Variants in ABCA13 observed in about 807,000 individuals in gnomAD.
The protein encoded by ABCA13 is ATP-binding cassette sub-family A member 13.
Under a neutral mutation model 478.7 loss-of-function variants are expected in ABCA13, and 476 were observed. That is an observed-to-expected ratio of 0.99 (90% CI 0.92 to 1.07). ABCA13 has a LOEUF of 1.07. Among genes scored for constraint, ABCA13 ranks in the 50% least tolerant of loss-of-function variants. ABCA13 has a pLI of 0.00. For missense variants in ABCA13, 6,060 were observed against 5,910.6 expected, an observed-to-expected ratio of 1.03 and a Z score of -0.83; for synonymous variants, 2,252 against 2,158.9, an observed-to-expected ratio of 1.04 and a Z score of -1.20.
intron 46 of ABCA13, among the ~76,000 whole-genome samples, chr7:48,482,017 A>C (rs1323631038): frequency 6.6e-6 from 1 of 152,248 alleles, no homozygotes; most frequent in East Asian, 1.9e-4. Context: ...TGGAAGACAA[A>C]ATTTATTTAG....
At position 48,276,541 on chromosome 7, in the gene ABCA13, A is replaced by C. The variant is rs1225287116; in HGVS notation, c.6875A>C (p.His2292Pro). 1 of 1,611,810 alleles carries C rather than the reference A, an allele frequency of 6.2e-7. No homozygotes were observed. ...NKISLLLKYF[H>P]KDVIAEMSFV... The stretch of plus-strand genomic sequence containing the variant: ...ATATCTCTTCTGCTGAAATATTTCC[A>C]CAAAGATGTTATTGCAGAGATGAGG... Residue 2292 changes from histidine to proline, a missense_variant, in exon 17 of 62, where the codon CAC (histidine) becomes CCC (proline). By Grantham distance (77) the His-to-Pro change is moderately conservative. Transcript: ENST00000435803.
At chr7:48,228,204 C>T (rs1486997232) in intron 6 of ABCA13, among the ~76,000 whole-genome samples, 1 of 152,192 alleles carries the variant, frequency 6.6e-6, no homozygotes, top group African/African-American at 2.4e-5. Flanking sequence ...ACAAAAAGGG[C>T]CCTGTCCTGG....
At chr7:48,587,055 G>A (rs1585892658) in intron 56 of ABCA13, 99 bp from the exon 57 acceptor site, 1 of 1,513,666 alleles carries the variant, frequency 6.6e-7, no homozygotes. Flanking sequence ...AGGTCGGCAG[G>A]GTTAGTGGGA....
chr7:48,644,871 G>A, intron 61 of ABCA13, 117 bp downstream of exon 61: 1 of 1,132,662 alleles, frequency 8.8e-7, no homozygotes, highest in Non-Finnish European at 1.2e-6. Context: ...AATTCATCTT[G>A]TTAAATTTTA....
At position 48,221,270 on chromosome 7, in the gene ABCA13, CT is replaced by C. The variant is rs1175298038; in HGVS notation, c.440-8del. 1.8e-6 allele frequency: 2 copies of C among 1,127,720 alleles called. No individual in the cohort carries two copies. The highest frequency in any genetic ancestry group is 2.6e-6 in the Non-Finnish European group (2 of 780,948). The allele number at this position is 1,127,720 out of a possible 1,614,324, so 69.9% of individuals were successfully genotyped here. A position where few individuals can be genotyped will look rare whatever the true frequency, so the allele number is the denominator to read the frequency against. On this transcript the variant is annotated splice_polypyrimidine_tract_variant and intron_variant, in intron 4 of 61. Transcript: ENST00000435803. ...ATTGAACTAATATCTCTTAAACCTT[CT>C]TTATTATAGATTCTTCTTATGGTTC...
rs1468949057 is a variant in ABCA13, at chr7:48,377,066, G to A, written c.11335+494G>A. Among the ~76,000 whole-genome samples, 3 of 152,124 alleles carry A rather than the reference G, an allele frequency of 2.0e-5. No individual in the cohort carries two copies. The East Asian group carries it at 5.8e-4, about 29-fold the overall frequency. On this transcript the variant is annotated intron_variant, in intron 35 of 61. Transcript: ENST00000435803. ...GCTGGACAGGGTGGGCTGGGAGTGA[G>A]GGGCCATGTCCAACCACAGGGCTTT...
intron 38 of ABCA13, among the ~76,000 whole-genome samples, chr7:48,396,602 T>G (rs1816866092): frequency 6.6e-6 from 1 of 152,140 alleles, no homozygotes; most frequent in African/African-American, 2.4e-5. Flanking sequence ...CAAAACCCAC[T>G]AGGCGGAGAG....
At chr7:48,575,865 A>G (rs963652256) in intron 55 of ABCA13, among the ~76,000 whole-genome samples, 1 of 152,124 alleles carries the variant, frequency 6.6e-6, no homozygotes, top group African/African-American at 2.4e-5. Flanking sequence ...CTGCTACCCC[A>G]GTACTAGAGA....
chr7:48,376,298 T>TTATG (rs1585068582), intron 34 of ABCA13, 143 bp from the exon 35 acceptor site: 2 of 914,680 alleles, frequency 2.2e-6, no homozygotes, highest in East Asian at 5.2e-5. Context: ...TCATGAAAAG[T>TTATG]TATGGCCAGT....
Position 48,244,230 on chromosome 7 carries a change from T to C in ABCA13, c.1263-346T>C, listed in dbSNP as rs142174090. 5.1e-4 allele frequency among the ~76,000 whole-genome samples: 77 copies of C among 152,364 alleles called. No individual in the cohort carries two copies. In the East Asian group the frequency reaches 0.014, roughly 29 times the overall value. On this transcript the variant is annotated intron_variant, in intron 10 of 61. Coordinates refer to ENST00000435803, the MANE Select transcript of ABCA13 (RefSeq NM_152701.5). ...CTATATTTTGAAACTTTTCTCAAAA[T>C]ATTTTTCTATATCTCATTAACTATA...
At chr7:48,634,834 T>TTTCA (rs947730361) in intron 59 of ABCA13, among the ~76,000 whole-genome samples, 4 of 152,186 alleles carry the variant, frequency 2.6e-5, no homozygotes, top group African/African-American at 9.7e-5. Context: ...GTCCCTTCAT[T>TTTCA]TTCATTCATC....
intron 55 of ABCA13, among the ~76,000 whole-genome samples, chr7:48,552,800 C>T (rs1303905550): frequency 6.6e-6 from 1 of 151,490 alleles, no homozygotes; most frequent in African/African-American, 2.4e-5. Context: ...TATCTGCCCC[C>T]TCAAACACTT....
In ABCA13 at chr7:48,227,355, C is replaced by A. The variant is rs771930494; in HGVS notation, c.562C>A (p.Leu188Ile). Residue 188 changes from leucine (L) to isoleucine (I), a missense_variant, in exon 6 of 62, where the codon CTA (leucine) becomes ATA (isoleucine). Leu to Ile is a conservative substitution (Grantham distance 5, BLOSUM62 2). Coordinates refer to ENST00000435803, the MANE Select transcript of ABCA13 (RefSeq NM_152701.5). ...GGATTTTCTACTTTTACTGCCGAGA[C>A]TACACACAAGCCATGATCATGTGGA... is the stretch of plus-strand genomic sequence containing the variant. ...IWDFLLLLPR[L>I]HTSHDHVEDG... The A allele has an allele frequency of 6.2e-7, 1 of 1,603,454 alleles. No individual in the cohort carries two copies. The highest frequency in any genetic ancestry group is 8.5e-7 in the Non-Finnish European group (1 of 1,176,036).
At position 48,387,952 on chromosome 7, in the gene ABCA13, C is replaced by T. The variant is rs1263444195; in HGVS notation, c.11466C>T (p.Asp3822=). 6.2e-7 allele frequency: 1 copy of T among 1,605,312 alleles called. No individual in the cohort carries two copies. The highest frequency in any genetic ancestry group is 8.5e-7 in the Non-Finnish European group (1 of 1,177,596). The change falls in exon 36 of 62, where the codon GAC becomes GAT. Residue 3822 remains aspartate, a synonymous_variant. Coordinates refer to ENST00000435803, the MANE Select transcript of ABCA13 (RefSeq NM_152701.5). ...SSLFFFNENF[D]NKGSSLQNRE... ...TGTTCTTCTTCAATGAGAACTTTGA[C>T]AATAAAGGTTTGTAAGGAGTAGAAT...
At chr7:48,583,934 A>T (rs960199991) in intron 56 of ABCA13, among the ~76,000 whole-genome samples, 2 of 152,234 alleles carry the variant, frequency 1.3e-5, no homozygotes, top group Non-Finnish European at 1.5e-5. Flanking sequence ...AATCTTTCCT[A>T]TGGTTAACCA....
chr7:48,427,885 G>T lies in ABCA13; in HGVS notation c.12565+14G>T, dbSNP rs761603294. 4 of 1,521,956 alleles carry T rather than the reference G, an allele frequency of 2.6e-6. 1 individual carries two copies. The South Asian group carries it at 4.8e-5, about 18-fold the overall frequency. 94.3% of individuals were successfully genotyped at this position (1,521,956 alleles called of 1,614,324 possible). A position where few individuals can be genotyped will look rare whatever the true frequency, so the allele number is the denominator to read the frequency against. On this transcript the variant is annotated intron_variant, in intron 42 of 61. Transcript: ENST00000435803. The stretch of plus-strand genomic sequence containing the variant: ...TGTCTGGCTACTGTAAGTACAGAAT[G>T]GCTTCCTGCATTTCTGCTGGAGGAA...
intron 58 of ABCA13, among the ~76,000 whole-genome samples, chr7:48,600,784 G>C (rs1357759100): frequency 6.6e-6 from 1 of 152,046 alleles, no homozygotes; most frequent in African/African-American, 2.4e-5. Flanking sequence ...TTTTAAAGAA[G>C]ATAAGAAAAT....
intron 45 of ABCA13, among the ~76,000 whole-genome samples, chr7:48,474,385 C>T (rs1005502485): frequency 6.6e-6 from 1 of 152,088 alleles, no homozygotes; most frequent in Non-Finnish European, 1.5e-5. Context: ...TAGGTTCTCT[C>T]TAATTAGATG....
chr7:48,646,796 G>C lies in ABCA13; in HGVS notation c.*1284G>C, dbSNP rs1795464717. 2.0e-5 allele frequency: 3 copies of C among 152,164 alleles called. No individual in the cohort carries two copies. Among genetic ancestry groups the C allele is most frequent in the East Asian group, 1.9e-4 (1 of 5,182 alleles). 9.4% of individuals were successfully genotyped at this position (152,164 alleles called of 1,614,324 possible). On this transcript the variant is annotated 3_prime_UTR_variant, in exon 62 of 62. Coordinates refer to ENST00000435803, the MANE Select transcript of ABCA13 (RefSeq NM_152701.5). ...CACCTCCCAAAGTGCTGGGATTACA[G>C]GCGTGAGCCACCGTGTCCGGCCGTA... is the stretch of plus-strand genomic sequence containing the variant.
Sources: gnomAD v4.1 joint callset for allele counts (sites outside exome capture counted in the v4.1 genomes callset) on GRCh38, gnomAD v4.1.1 for gene constraint, MANE v1.5 for transcripts, NCBI Gene and HGNC (gene_info 2026-07-23, HGNC 2026-07-21) for gene names.